Variants in P4HA3 observed in about 807,000 individuals in gnomAD.
P4HA3 encodes prolyl 4-hydroxylase subunit alpha 3.
P4HA3 carries 60 observed loss-of-function variants against 66.7 expected under a neutral mutation model. That is an observed-to-expected ratio of 0.90 (90% CI 0.73 to 1.12). The LOEUF (loss-of-function observed/expected upper bound fraction) is 1.12, where lower values mean the gene tolerates loss of function less well. P4HA3 is among the 50% of genes most tolerant of loss of function. P4HA3 has a pLI of 0.00. For missense variants in P4HA3, 683 were observed against 685.8 expected (o/e 1.00, Z 0.05); for synonymous variants, 263 against 274.6 (o/e 0.96, Z 0.42).
At chr11:74,253,462 G>C (rs1859756237) in intron 15 of P4HA3, 2 of 1,596,438 alleles carry the variant, frequency 1.3e-6, no homozygotes, top group African/African-American at 2.7e-5. Flanking sequence ...AGTTACATTT[G>C]TTTTTCCTTC....
At chr11:74,290,881 T>C (rs1345136681) in intron 4 of P4HA3, among the ~76,000 whole-genome samples, 1 of 152,244 alleles carries the variant, frequency 6.6e-6, no homozygotes, top group Non-Finnish European at 1.5e-5. Context: ...GGTAGTGTGA[T>C]GCCTCCAGCT....
intron 1 of P4HA3, among the ~76,000 whole-genome samples, chr11:74,308,294 C>G (rs1861629987): frequency 6.6e-6 from 1 of 152,152 alleles, no homozygotes; most frequent in Non-Finnish European, 1.5e-5. Context: ...GGGAGGATCA[C>G]TTCAGGTCAG....
rs909430649 is a variant in P4HA3, at chr11:74,267,009, C to T, written c.*239G>A. The T allele has an allele frequency of 6.6e-7, 1 of 1,506,716 alleles. No homozygotes were observed. Among genetic ancestry groups the T allele is most frequent in the African/African-American group, 1.4e-5 (1 of 72,478 alleles). The allele number at this position is 1,506,716 out of a possible 1,614,324, so 93.3% of individuals were successfully genotyped here. On this transcript the variant is annotated 3_prime_UTR_variant, in exon 13 of 13. Transcript: ENST00000331597. ...GAAACTTCCCTCTCAGGCCTCCACT[C>T]CCCCCTCCTTTGTACTGTGCATCCT...
At chr11:74,290,125 T>A (rs1860959648) in intron 4 of P4HA3, among the ~76,000 whole-genome samples, 1 of 152,064 alleles carries the variant, frequency 6.6e-6, no homozygotes, top group Non-Finnish European at 1.5e-5. Flanking sequence ...GACTTTTTAA[T>A]GATCGCCATT....
rs1460228640 is a variant in P4HA3 at position 74,267,234 on chromosome 11, T to C, written c.*14A>G. ...AAAGCCACAGGACTCCACCAGCTTCTCTCTGCCAACAGTTCAGTCTTCAGG... is the reference window on the plus strand; with the variant it reads ...AAAGCCACAGGACTCCACCAGCTTCCCTCTGCCAACAGTTCAGTCTTCAGG... On this transcript the variant is annotated 3_prime_UTR_variant, in exon 13 of 13. Coordinates refer to ENST00000331597, the MANE Select transcript of P4HA3 (RefSeq NM_182904.5). 6.2e-7 allele frequency: 1 copy of C among 1,614,148 alleles called. No homozygotes were observed. Among genetic ancestry groups the C allele is most frequent in the African/African-American group, 1.3e-5 (1 of 75,042 alleles).
In P4HA3 at chr11:74,273,609, T is replaced by G; in HGVS notation, c.1336-2A>C. Reference sequence around the variant, plus strand: ...TCTGTAGAGGGGGCTGCTTGGTGACTGAGAAAAAAAAAAACAGAACATATT... The same window carrying G: ...TCTGTAGAGGGGGCTGCTTGGTGACGGAGAAAAAAAAAAACAGAACATATT... On this transcript the variant is annotated splice_acceptor_variant, in intron 9 of 12. Coordinates refer to ENST00000331597, the MANE Select transcript of P4HA3 (RefSeq NM_182904.5). LOFTEE classifies it high-confidence loss of function. 1.3e-6 allele frequency: 2 copies of G among 1,549,382 alleles called. No individual in the cohort carries two copies. The highest frequency in any genetic ancestry group is 2.2e-5 in the Admixed American group (1 of 46,158).
chr11:74,251,675 A>C, intron 15 of P4HA3: 1 of 1,613,880 alleles, frequency 6.2e-7, no homozygotes, highest in Non-Finnish European at 8.5e-7. Context: ...CACTTTCCTG[A>C]TCCGGCACAG....
At chr11:74,252,361 T>C in intron 15 of P4HA3, 1 of 448,208 alleles carries the variant, frequency 2.2e-6, no homozygotes, top group South Asian at 1.6e-5. Context: ...GTGTTGGGAT[T>C]ATAGGGATTA....
At chr11:74,277,863 G>T (rs1034899996) in intron 8 of P4HA3, among the ~76,000 whole-genome samples, 2 of 152,194 alleles carry the variant, frequency 1.3e-5, no homozygotes, top group African/African-American at 4.8e-5. Flanking sequence ...AGACGATAAG[G>T]CTCTGAGGGA....
intron 14 of P4HA3, among the ~76,000 whole-genome samples, chr11:74,260,889 T>C (rs2135696033): frequency 6.6e-6 from 1 of 152,270 alleles, no homozygotes; most frequent in Middle Eastern, 3.4e-3. Flanking sequence ...CCCCATCACA[T>C]GAAAGACATA....
At chr11:74,281,961 C>T (rs761310863) in intron 7 of P4HA3, among the ~76,000 whole-genome samples, 3 of 150,932 alleles carry the variant, frequency 2.0e-5, no homozygotes, top group Non-Finnish European at 2.9e-5. Flanking sequence ...CATGTGCTTG[C>T]GAGTTCCTCT....
chr11:74,253,586 T>TG, intron 15 of P4HA3: 2 of 1,480,408 alleles, frequency 1.4e-6, no homozygotes, highest in Non-Finnish European at 1.9e-6. Context: ...GTGATGCCAC[T>TG]GTCTCCTCTC....
Position 74,279,401 on chromosome 11 carries a change from G to C in P4HA3, c.1162C>G (p.Arg388Gly). ...GGCCCTTCTTACCTTTTGCTGATGC[G>C]GTACTCCACTTGTAACTGCTTCTCC... ...SGEKQLQVEY[R>G]ISKSAWLKDT... Residue 388 changes from arginine to glycine, a missense_variant, in exon 8 of 13, where the codon CGC becomes GGC. Coordinates refer to ENST00000331597, the MANE Select transcript of P4HA3 (RefSeq NM_182904.5). 6.2e-7 allele frequency: 1 copy of C among 1,613,788 alleles called. No homozygotes were observed. Among genetic ancestry groups the C allele is most frequent in the Non-Finnish European group, 8.5e-7 (1 of 1,179,780 alleles).
At chr11:74,274,441 G>C (rs1185748153) in intron 9 of P4HA3, among the ~76,000 whole-genome samples, 1 of 151,658 alleles carries the variant, frequency 6.6e-6, no homozygotes, top group Non-Finnish European at 1.5e-5. Flanking sequence ...AAGTAGCTGG[G>C]ACTACAGGCG....
chr11:74,274,450 C>T (rs547834120), intron 9 of P4HA3, among the ~76,000 whole-genome samples: 6 of 151,582 alleles, frequency 4.0e-5, no homozygotes, highest in South Asian at 2.1e-4. Flanking sequence ...GGACTACAGG[C>T]GCCTGCCACC....
In P4HA3 at chr11:74,285,925, G is replaced by C. The variant is rs756302366; in HGVS notation, c.994C>G (p.Leu332Val). Residue 332 changes from leucine (L) to valine (V), a missense_variant, in exon 7 of 13, where the codon CTG becomes GTG. Leu to Val is a conservative substitution (Grantham distance 32). Coordinates refer to ENST00000331597, the MANE Select transcript of P4HA3 (RefSeq NM_182904.5). ...CSYETNSNAY[L>V]LLQPIRKEVI... ...TCCTTCCGGATGGGCTGGAGCAGCA[G>C]GTAGGCGTTGGAATTGGTCTCATAG... The C allele has an allele frequency of 5.6e-6, 9 of 1,611,794 alleles. No individual in the cohort carries two copies. In the Admixed American group the frequency reaches 1.5e-4, roughly 27 times the overall value.
chr11:74,296,600 G>A (rs1458357266), intron 4 of P4HA3, among the ~76,000 whole-genome samples: 1 of 152,138 alleles, frequency 6.6e-6, no homozygotes, highest in East Asian at 1.9e-4. Context: ...GGTGACATTC[G>A]AGGTGTGCCT....
intron 15 of P4HA3, among the ~76,000 whole-genome samples, chr11:74,255,474 A>T (rs1431242988): frequency 6.6e-6 from 1 of 152,100 alleles, no homozygotes; most frequent in Non-Finnish European, 1.5e-5. Flanking sequence ...ATTAGAACCC[A>T]AGCCCCACCC....
At chr11:74,282,746 C>T (rs972600385) in intron 7 of P4HA3, among the ~76,000 whole-genome samples, 1 of 152,178 alleles carries the variant, frequency 6.6e-6, no homozygotes, top group African/African-American at 2.4e-5. Flanking sequence ...ACTGGGGAGA[C>T]AGGATGCTGA....
Sources: allele counts gnomAD v4.1 joint callset (sites outside exome capture counted in the v4.1 genomes callset), GRCh38; gene constraint gnomAD v4.1.1; transcripts MANE v1.5; gene names NCBI Gene and HGNC (gene_info 2026-07-23, HGNC 2026-07-21).